Variants in UBXN4 observed in about 807,000 individuals in gnomAD.
UBXN4 encodes the protein UBX domain-containing protein 4.
In UBXN4, 35 loss-of-function variants were observed where a neutral mutation model predicts 66.2. The ratio of observed to expected loss-of-function variants is 0.53; its 90% CI spans 0.40 to 0.70. The LOEUF (loss-of-function observed/expected upper bound fraction) is 0.70, where lower values mean the gene tolerates loss of function less well. Ranked by LOEUF, UBXN4 falls within the 30% of genes least tolerant of loss-of-function variation. The pLI, the probability that UBXN4 is intolerant of heterozygous loss-of-function variation, is 0.00. For missense variants in UBXN4, 533 were observed against 599.8 expected (o/e 0.89, Z 1.16); for synonymous variants, 203 against 204.5 (o/e 0.99, Z 0.06).
rs1428021933 is a variant in UBXN4 at position 135,743,374 on chromosome 2, A to C, written c.82+1363A>C. Among the ~76,000 whole-genome samples, 3 of 152,246 alleles carry C rather than the reference A, an allele frequency of 2.0e-5. No individual in the cohort carries two copies. The East Asian group carries it at 5.8e-4, about 29-fold the overall frequency. ...AAAATGGATTGAAAATGAAAGGAAA[A>C]GTAAATGACACTATGCTTATTGTGT... On this transcript the variant is annotated intron_variant, in intron 1 of 12. Coordinates refer to ENST00000272638, the MANE Select transcript of UBXN4 (RefSeq NM_014607.4).
Position 135,782,916 on chromosome 2 carries a change from ATT to A in UBXN4, c.*30_*31del. On this transcript the variant is annotated 3_prime_UTR_variant, in exon 13 of 13. Coordinates refer to ENST00000272638, the MANE Select transcript of UBXN4 (RefSeq NM_014607.4). Reference sequence around the variant, plus strand: ...GACAAGTATAATATGTGCAATAATCATTGTTTCTCTTATGATTTAATTCAACT... The same window carrying A: ...GACAAGTATAATATGTGCAATAATCAGTTTCTCTTATGATTTAATTCAACT... 7 of 1,579,278 alleles carry A rather than the reference ATT, an allele frequency of 4.4e-6. No individual in the cohort carries two copies. The highest frequency in any genetic ancestry group is 6.0e-6 in the Non-Finnish European group (7 of 1,162,806).
intron 1 of UBXN4, among the ~76,000 whole-genome samples, chr2:135,744,726 A>G (rs992490666): frequency 1.3e-4 from 20 of 152,190 alleles, no homozygotes; most frequent in Admixed American, 9.2e-4. Context: ...GATACTGCCG[A>G]TACAAAGGAT....
intron 6 of UBXN4, among the ~76,000 whole-genome samples, chr2:135,764,334 C>A (rs2077334825): frequency 1.3e-5 from 2 of 151,940 alleles, no homozygotes; most frequent in Non-Finnish European, 2.9e-5. Context: ...GAAAGGGTGA[C>A]TAAATCAAAT....
At chr2:135,747,679 GGCTGGAGT>G (rs2077217392) in intron 1 of UBXN4, 5 of 456,152 alleles carry the variant, frequency 1.1e-5, no homozygotes. Flanking sequence ...GTGTCACCCA[GGCTGGAGT>G]GCAGTGGTGC....
intron 2 of UBXN4, among the ~76,000 whole-genome samples, chr2:135,750,617 C>G (rs2077235098): frequency 6.6e-6 from 1 of 152,048 alleles, no homozygotes; most frequent in Non-Finnish European, 1.5e-5. Flanking sequence ...GTAGTATAGC[C>G]TGTCTCACAA....
intron 6 of UBXN4, among the ~76,000 whole-genome samples, chr2:135,768,101 A>T (rs1219947381): frequency 6.6e-6 from 1 of 152,214 alleles, no homozygotes; most frequent in Non-Finnish European, 1.5e-5. Context: ...ATTCACTACC[A>T]TGAAATTGAA....
At chr2:135,754,875 C>T (rs1433879416) in intron 4 of UBXN4, among the ~76,000 whole-genome samples, 1 of 152,166 alleles carries the variant, frequency 6.6e-6, no homozygotes, top group Non-Finnish European at 1.5e-5. Flanking sequence ...ATCTCTACCT[C>T]CCGGGTTCGA....
At chr2:135,777,935 T>C (rs1367291155) in intron 10 of UBXN4, among the ~76,000 whole-genome samples, 1 of 151,186 alleles carries the variant, frequency 6.6e-6, no homozygotes, top group Non-Finnish European at 1.5e-5. Context: ...CCCAGCACTT[T>C]GGGAGGCTGA....
chr2:135,759,762 C>T (rs2077303928), intron 5 of UBXN4, among the ~76,000 whole-genome samples: 1 of 125,778 alleles, frequency 8.0e-6, no homozygotes, highest in Admixed American at 9.8e-5. Flanking sequence ...TTTTTCAATC[C>T]AGAATTTTTT....
chr2:135,772,316 C>G, intron 8 of UBXN4, 104 bp from the exon 9 acceptor site: 1 of 1,388,558 alleles, frequency 7.2e-7, no homozygotes, highest in South Asian at 1.4e-5. Flanking sequence ...CAGCAAGACC[C>G]TGTCTCTTAA....
At chr2:135,776,378 A>G (rs764976981) in intron 10 of UBXN4, 27 bp downstream of exon 10, 2 of 1,575,862 alleles carry the variant, frequency 1.3e-6, no homozygotes, top group South Asian at 2.3e-5. Flanking sequence ...AGTTGTAGTA[A>G]AAATAGATGT....
chr2:135,775,341 A>C (rs931640037), intron 9 of UBXN4, among the ~76,000 whole-genome samples: 1 of 152,250 alleles, frequency 6.6e-6, no homozygotes, highest in African/African-American at 2.4e-5. Flanking sequence ...ACGTCAACAC[A>C]AAAACCTGTA....
At position 135,770,614 on chromosome 2, in the gene UBXN4, A is replaced by G. The variant is rs2077377919; in HGVS notation, c.701A>G (p.Glu234Gly). ...ATTGAGAGGAGAAAAACTGGAAAAG[A>G]AATGTTGGATTATAAAAGAAAACAA... ...KEIERRKTGK[E>G]MLDYKRKQEE... is the part of the protein sequence containing the mutation. Residue 234 changes from glutamate to glycine, a missense_variant, in exon 8 of 13, where the codon GAA becomes GGA. Coordinates refer to ENST00000272638, the MANE Select transcript of UBXN4 (RefSeq NM_014607.4). 3 of 1,547,218 alleles carry G rather than the reference A, an allele frequency of 1.9e-6. No homozygotes were observed. The highest frequency in any genetic ancestry group is 2.6e-6 in the Non-Finnish European group (3 of 1,154,176).
chr2:135,783,048 A>G lies in UBXN4; in HGVS notation c.*161A>G. 1.4e-6 allele frequency: 1 copy of G among 694,014 alleles called. No individual in the cohort carries two copies. Among genetic ancestry groups the G allele is most frequent in the Non-Finnish European group, 2.3e-6 (1 of 440,698 alleles). The allele number at this position is 694,014 out of a possible 1,614,324, so 43.0% of individuals were successfully genotyped here. ...TGTGGGTTGAAGGTGTTTAACTCAG[A>G]AAAGTAAAGACAGGAAATAACTCTC... On this transcript the variant is annotated 3_prime_UTR_variant, in exon 13 of 13. Coordinates refer to ENST00000272638, the MANE Select transcript of UBXN4 (RefSeq NM_014607.4).
At position 135,742,002 on chromosome 2, in the gene UBXN4, T is replaced by C; in HGVS notation, c.73T>C (p.Phe25Leu). 2 of 1,613,212 alleles carry C rather than the reference T, an allele frequency of 1.2e-6. No individual in the cohort carries two copies. The highest frequency in any genetic ancestry group is 1.7e-6 in the Non-Finnish European group (2 of 1,179,618). The change falls in exon 1 of 13, where the codon TTC (phenylalanine) becomes CTC (leucine). Residue 25 changes from phenylalanine (F) to leucine (L), a missense_variant. Physicochemically the swap from Phe to Leu is conservative, Grantham distance 22. This residue lies in a region of UBXN4 where 529 missense variants were observed against 580.1 expected (regional missense o/e 0.91). Transcript: ENST00000272638. ...AAGGAGCGGCGCGGTCTTCGTGGTG[T>C]TCGTGGCAGGTGAAGGAGGCAGGGG... is the stretch of plus-strand genomic sequence containing the variant. Reference protein sequence around the residue: ...AKRSGAVFVVFVAGDDEQSTQ... With the variant: ...AKRSGAVFVVLVAGDDEQSTQ...
intron 6 of UBXN4, among the ~76,000 whole-genome samples, chr2:135,769,070 G>A (rs553029980): frequency 4.6e-5 from 7 of 152,108 alleles, no homozygotes; most frequent in African/African-American, 2.4e-5. Flanking sequence ...TAACGCGAAC[G>A]TGACTCGCTG....
chr2:135,779,922 TA>T (rs1448293752), intron 11 of UBXN4, among the ~76,000 whole-genome samples: 2 of 147,494 alleles, frequency 1.4e-5, no homozygotes, highest in African/African-American at 4.9e-5. Flanking sequence ...ATATATAAAA[TA>T]ATTGTATACT....
intron 11 of UBXN4, 83 bp downstream of exon 11, chr2:135,779,162 G>A (rs970705340): frequency 1.4e-6 from 2 of 1,384,276 alleles, no homozygotes; most frequent in Admixed American, 2.6e-5. Flanking sequence ...TAGGGGAAAG[G>A]AAGTGCACAG....
intron 5 of UBXN4, among the ~76,000 whole-genome samples, chr2:135,756,632 C>T (rs2077280099): frequency 6.6e-6 from 1 of 152,140 alleles, no homozygotes; most frequent in African/African-American, 2.4e-5. Context: ...AGGTCTACGA[C>T]AGAATAATTA....
Sources: allele counts gnomAD v4.1 joint callset (sites outside exome capture counted in the v4.1 genomes callset), GRCh38; gene constraint gnomAD v4.1.1; regional missense constraint gnomAD v4.1.1; transcripts MANE v1.5; gene names NCBI Gene and HGNC (gene_info 2026-07-23, HGNC 2026-07-21).